Variants in TAOK1 observed in about 807,000 individuals in gnomAD.
The protein encoded by TAOK1 is serine/threonine-protein kinase TAO1.
Under a neutral mutation model 138.3 loss-of-function variants are expected in TAOK1, and 21 were observed. The ratio of observed to expected loss-of-function variants is 0.15; its 90% CI spans 0.11 to 0.22. The LOEUF (loss-of-function observed/expected upper bound fraction) is 0.22, where lower values mean the gene tolerates loss of function less well. Ranked by LOEUF, TAOK1 falls within the 10% of genes least tolerant of loss-of-function variation. The pLI is 1.00. For missense variants in TAOK1, 651 were observed against 1,227.7 expected (o/e 0.53, Z 7.02); for synonymous variants, 361 against 398.4 (o/e 0.91, Z 1.12).
At chr17:29,530,256 G>T in intron 17 of TAOK1, 151 bp from the exon 18 acceptor site, 2 of 661,328 alleles carry the variant, frequency 3.0e-6, no homozygotes, top group South Asian at 4.0e-5. Context: ...AAATAGCCAA[G>T]TGCAAAAAGT....
intron 1 of TAOK1, among the ~76,000 whole-genome samples, chr17:29,435,447 A>G (rs1197543788): frequency 6.6e-6 from 1 of 152,190 alleles, no homozygotes; most frequent in African/African-American, 2.4e-5. Flanking sequence ...AATTATGTCT[A>G]CATAGGCCTT....
chr17:29,403,325 GAA>G (rs1904904277), intron 1 of TAOK1, among the ~76,000 whole-genome samples: 1 of 152,058 alleles, frequency 6.6e-6, no homozygotes, highest in Admixed American at 6.6e-5. Context: ...TTGAGGCTGA[GAA>G]AGAGGTTTCA....
intron 1 of TAOK1, among the ~76,000 whole-genome samples, chr17:29,413,215 A>G (rs569075713): frequency 1.3e-5 from 2 of 152,332 alleles, no homozygotes; most frequent in Non-Finnish European, 2.9e-5. Context: ...ATAAGACTCC[A>G]TGGAAGTGTC....
intron 10 of TAOK1, among the ~76,000 whole-genome samples, chr17:29,494,458 G>T (rs2031369713): frequency 6.6e-6 from 1 of 152,050 alleles, no homozygotes; most frequent in Non-Finnish European, 1.5e-5. Flanking sequence ...ACAGTGGGCT[G>T]TGATTCATAG....
In TAOK1 at chr17:29,522,493, G is replaced by A. The variant is rs769218655; in HGVS notation, c.2122G>A (p.Val708Ile). Reference sequence around the variant, plus strand: ...ACTAAGACGAAAGCATGTCATGGAAGTTCGACAACAGCCTAAGAGTTTGAA... The same window carrying A: ...ACTAAGACGAAAGCATGTCATGGAAATTCGACAACAGCCTAAGAGTTTGAA... ...RELRRKHVME[V>I]RQQPKSLKSK... Residue 708 changes from valine to isoleucine, a missense_variant, in exon 17 of 20, where the codon GTT becomes ATT. Physicochemically the swap from Val to Ile is conservative, Grantham distance 29. This residue lies in a region of TAOK1 where 258 missense variants were observed against 548.9 expected (regional missense o/e 0.47). Coordinates refer to ENST00000261716, the MANE Select transcript of TAOK1 (RefSeq NM_020791.4). 2.5e-6 allele frequency: 4 copies of A among 1,614,202 alleles called. No homozygotes were observed. The highest frequency in any genetic ancestry group is 2.7e-5 in the African/African-American group (2 of 75,060).
At chr17:29,497,224 G>A (rs904975008) in intron 11 of TAOK1, among the ~76,000 whole-genome samples, 2 of 149,698 alleles carry the variant, frequency 1.3e-5, no homozygotes, top group African/African-American at 4.9e-5. Context: ...TTCTGAAACC[G>A]TGCTCAATAC....
intron 10 of TAOK1, among the ~76,000 whole-genome samples, chr17:29,492,263 G>A (rs1452872175): frequency 6.6e-6 from 1 of 152,154 alleles, no homozygotes; most frequent in South Asian, 2.1e-4. Context: ...TTAGGATTAA[G>A]TATACTCTAC....
At chr17:29,517,263 C>T (rs184982280) in intron 15 of TAOK1, among the ~76,000 whole-genome samples, 190 bp from the exon 16 acceptor site, 212 of 152,234 alleles carry the variant, frequency 1.4e-3, no homozygotes, top group African/African-American at 4.7e-3. Context: ...ACTGGAATTA[C>T]AGGTGTCAGC....
chr17:29,491,301 T>C (rs1037771989), intron 9 of TAOK1, among the ~76,000 whole-genome samples: 1 of 152,148 alleles, frequency 6.6e-6, no homozygotes, highest in African/African-American at 2.4e-5. Flanking sequence ...GGAAGTCTTA[T>C]CCATTTGCTC....
intron 2 of TAOK1, among the ~76,000 whole-genome samples, chr17:29,466,162 G>T (rs1401088797): frequency 6.6e-6 from 1 of 151,976 alleles, no homozygotes; most frequent in Non-Finnish European, 1.5e-5. Flanking sequence ...TGTGTGTTTT[G>T]TTTTTTGAGA....
Position 29,467,155 on chromosome 17 carries a change from T to C in TAOK1, c.143T>C (p.Val48Ala). The C allele has an allele frequency of 6.2e-7, 1 of 1,601,744 alleles. No homozygotes were observed. Among genetic ancestry groups the C allele is most frequent in the Admixed American group, 1.7e-5 (1 of 59,786 alleles). Reference sequence around the variant, plus strand: ...TTCTTTCTTCTTTAGGCACGAGATGTGCGTACCAATGAAGTGGTGGCCATC... The same window carrying C: ...TTCTTTCTTCTTTAGGCACGAGATGCGCGTACCAATGAAGTGGTGGCCATC... The part of the protein sequence containing the change: ...SFGAVYFARD[V>A]RTNEVVAIKK... The change falls in exon 3 of 20, where the codon GTG becomes GCG. Residue 48 changes from valine (V) to alanine (A), a missense_variant. Coordinates refer to ENST00000261716, the MANE Select transcript of TAOK1 (RefSeq NM_020791.4).
At chr17:29,421,930 CT>C in intron 1 of TAOK1, among the ~76,000 whole-genome samples, 1 of 151,444 alleles carries the variant, frequency 6.6e-6, no homozygotes, top group Admixed American at 6.6e-5. Context: ...TTGAGTCTTG[CT>C]GTGTCACCCA....
At chr17:29,493,331 C>T (rs2031344521) in intron 10 of TAOK1, among the ~76,000 whole-genome samples, 1 of 151,822 alleles carries the variant, frequency 6.6e-6, no homozygotes, top group African/African-American at 2.4e-5. Context: ...CCTGTCTCTA[C>T]TAAAAATACA....
At chr17:29,412,721 G>A (rs1905176574) in intron 1 of TAOK1, among the ~76,000 whole-genome samples, 1 of 152,194 alleles carries the variant, frequency 6.6e-6, no homozygotes, top group South Asian at 2.1e-4. Flanking sequence ...TTGGATAGCA[G>A]CTAGCAGTTA....
At chr17:29,502,535 G>T in intron 12 of TAOK1, 54 bp from the exon 13 acceptor site, 1 of 1,542,774 alleles carries the variant, frequency 6.5e-7, no homozygotes, top group Non-Finnish European at 8.7e-7. Flanking sequence ...TTTCCATAAA[G>T]ATTCAAACAA....
In TAOK1 at chr17:29,433,324, A is replaced by G. The variant is rs538758494; in HGVS notation, c.-94-18131A>G. Among the ~76,000 whole-genome samples, 6 of 151,614 alleles carry G rather than the reference A, an allele frequency of 4.0e-5. No individual in the cohort carries two copies. In the East Asian group the frequency reaches 7.8e-4, roughly 20 times the overall value. ...CGGGCATCTGTAATCCCAGCTACTCAGGAGGCTGAGGCACGAGAATTGCTT... is the reference window on the plus strand; with the variant it reads ...CGGGCATCTGTAATCCCAGCTACTCGGGAGGCTGAGGCACGAGAATTGCTT... On this transcript the variant is annotated intron_variant, in intron 1 of 19. Transcript: ENST00000261716.
rs765324851 is a variant in TAOK1, at chr17:29,495,552, C to T, written c.832-8C>T. ...AAAAATCAACCTTTTACCTTCTACC[C>T]TATCTAGCACATATTTGTTCTTCGG... On this transcript the variant is annotated splice_polypyrimidine_tract_variant and splice_region_variant and intron_variant, in intron 10 of 19. Transcript: ENST00000261716. The T allele has an allele frequency of 1.3e-6, 2 of 1,565,406 alleles. No homozygotes were observed. Among genetic ancestry groups the T allele is most frequent in the African/African-American group, 2.7e-5 (2 of 73,768 alleles).
chr17:29,422,386 G>A (rs867671485), intron 1 of TAOK1, among the ~76,000 whole-genome samples: 23 of 132,046 alleles, frequency 1.7e-4, no homozygotes, highest in African/African-American at 6.5e-4. Context: ...TTTTTTTTTT[G>A]TATTTTTAGT....
intron 12 of TAOK1, among the ~76,000 whole-genome samples, chr17:29,499,786 C>T (rs2031490942): frequency 6.6e-6 from 1 of 151,876 alleles, no homozygotes; most frequent in Non-Finnish European, 1.5e-5. Flanking sequence ...GTCTCGAACT[C>T]CCAACCTCAG....
Sources: gnomAD v4.1 joint callset for allele counts (sites outside exome capture counted in the v4.1 genomes callset) on GRCh38, gnomAD v4.1.1 for gene constraint, gnomAD v4.1.1 regional missense constraint, MANE v1.5 for transcripts, NCBI Gene and HGNC (gene_info 2026-07-23, HGNC 2026-07-21) for gene names.